The following UTY variants were observed in gnomAD, a reference collection of about 807,000 sequenced individuals.
The protein encoded by UTY is ubiquitously transcribed tetratricopeptide repeat containing, Y-linked.
A neutral mutation model predicts 32.5 loss-of-function variants in UTY; 12 were observed. That is an observed-to-expected ratio of 0.37 (90% confidence interval 0.24 to 0.60). UTY has a LOEUF of 0.60. UTY is among the 20% of genes least tolerant of loss of function. The pLI is 0.69. For synonymous variants in UTY, 131 were observed against 103.4 expected (o/e 1.27, Z -1.62); for missense variants, 303 against 299.2 (o/e 1.01, Z -0.09).
chrY:13,470,711 A>T, intron 2 of UTY, among the ~76,000 whole-genome samples: 1 of 33,206 alleles, frequency 3.0e-5, no homozygotes, highest in Non-Finnish European at 7.4e-5. Flanking sequence ...AACAGTCATG[A>T]TCTAAGTACT....
chrY:13,283,959 TAAAG>T (rs2057196744), intron 27 of UTY, among the ~76,000 whole-genome samples: 1 of 33,140 alleles, frequency 3.0e-5, no homozygotes, highest in Admixed American at 2.7e-4. Context: ...TCCAAAGACA[TAAAG>T]AAAGTTTGCT....
intron 17 of UTY, among the ~76,000 whole-genome samples, chrY:13,343,506 A>G: frequency 9.1e-5 from 3 of 33,133 alleles, no homozygotes; most frequent in African/African-American, 3.6e-4. Flanking sequence ...CCAGGTTATC[A>G]CTGTTGTGTG....
intron 4 of UTY, among the ~76,000 whole-genome samples, chrY:13,445,770 T>C: frequency 3.0e-5 from 1 of 32,840 alleles, no homozygotes; most frequent in Admixed American, 2.8e-4. Context: ...ATCCTTCTTC[T>C]GGTTTTTTTC....
intron 2 of UTY, 22 bp downstream of exon 2, chrY:13,479,232 C>T: frequency 1.0e-5 from 4 of 396,637 alleles, no homozygotes; most frequent in Non-Finnish European, 1.4e-5. Flanking sequence ...GGACCAAAGA[C>T]TTTGCGTCTG....
At chrY:13,235,267 T>C in intron 28 of UTY, among the ~76,000 whole-genome samples, 1 of 33,367 alleles carries the variant, frequency 3.0e-5, no homozygotes, top group Non-Finnish European at 7.4e-5. Context: ...GGATCCTTCC[T>C]GGGCCCCTGA....
intron 3 of UTY, among the ~76,000 whole-genome samples, chrY:13,449,919 C>T (rs2076184520): frequency 8.9e-5 from 3 of 33,846 alleles, no homozygotes; most frequent in Non-Finnish European, 2.2e-4. Context: ...TTAGAAATTT[C>T]AGAGATTTTT....
chrY:13,287,025 GA>G, intron 27 of UTY: 8 of 373,984 alleles, frequency 2.1e-5, no homozygotes, highest in Non-Finnish European at 2.7e-5. Flanking sequence ...ACGGAATGCT[GA>G]AATGAGGCCT....
intron 3 of UTY, 36 bp from the exon 4 acceptor site, chrY:13,449,102 T>A (rs2076122225): frequency 3.3e-6 from 1 of 303,302 alleles, no homozygotes; most frequent in Admixed American, 1.1e-4. Flanking sequence ...CCAAATCATA[T>A]CCCATTTAAA....
At chrY:13,425,179 C>T (rs958552281) in intron 4 of UTY, among the ~76,000 whole-genome samples, 1 of 34,030 alleles carries the variant, frequency 2.9e-5, no homozygotes, top group Admixed American at 2.6e-4. Flanking sequence ...AAACCACATT[C>T]TGCAACTGGC....
chrY:13,395,903 G>GTT (rs1368341749), intron 7 of UTY, among the ~76,000 whole-genome samples: 3 of 11,967 alleles, frequency 2.5e-4, no homozygotes, highest in East Asian at 2.3e-3. Flanking sequence ...TCATCCTTCT[G>GTT]TTTTTTTTTT....
intron 20 of UTY, 60 bp from the exon 21 acceptor site, chrY:13,323,820 A>G (rs967572958): frequency 3.5e-6 from 1 of 285,283 alleles, no homozygotes; most frequent in South Asian, 3.7e-5. Context: ...TTAAAATGTC[A>G]AAGTATTTTT....
chrY:13,335,419 C>T, intron 18 of UTY, 144 bp downstream of exon 18: 1 of 181,886 alleles, frequency 5.5e-6, no homozygotes, highest in Admixed American at 1.2e-4. Flanking sequence ...TATAAAACAA[C>T]AAAAAAAATT....
intron 8 of UTY, among the ~76,000 whole-genome samples, chrY:13,382,775 G>C (rs2149434906): frequency 3.0e-5 from 1 of 33,608 alleles, no homozygotes; most frequent in Non-Finnish European, 7.4e-5. Context: ...TTTAATCTAG[G>C]AATCGACAGA....
chrY:13,381,895 A>G (rs2066179839), intron 8 of UTY, among the ~76,000 whole-genome samples: 1 of 33,362 alleles, frequency 3.0e-5, no homozygotes, highest in Admixed American at 2.7e-4. Context: ...GCAGAATAGT[A>G]TAACATATTC....
intron 5 of UTY, among the ~76,000 whole-genome samples, chrY:13,413,828 A>T: frequency 3.0e-5 from 1 of 33,819 alleles, no homozygotes; most frequent in African/African-American, 1.2e-4. Flanking sequence ...AGGTCTTGCC[A>T]CTCTGCACCT....
intron 9 of UTY, among the ~76,000 whole-genome samples, chrY:13,367,055 G>A: frequency 3.0e-5 from 1 of 33,333 alleles, no homozygotes; most frequent in Non-Finnish European, 7.4e-5. Flanking sequence ...TGGGTAGGCT[G>A]GTCACAAACT....
intron 4 of UTY, among the ~76,000 whole-genome samples, chrY:13,432,062 T>C (rs2074093783): frequency 3.0e-5 from 1 of 33,079 alleles, no homozygotes; most frequent in Admixed American, 2.7e-4. Flanking sequence ...GAAATAAATA[T>C]TACTGAACTC....
At chrY:13,328,451 CAT>C (rs2060422252) in intron 18 of UTY, among the ~76,000 whole-genome samples, 1 of 33,577 alleles carries the variant, frequency 3.0e-5, no homozygotes, top group Non-Finnish European at 7.4e-5. Context: ...ATCACTAACA[CAT>C]GATATCACTT....
At chrY:13,432,546 G>A in intron 4 of UTY, among the ~76,000 whole-genome samples, 7 of 32,812 alleles carry the variant, frequency 2.1e-4, no homozygotes, top group Admixed American at 2.7e-4. Context: ...ACATACTACC[G>A]ATGCTAGTAT....
Sources: gnomAD v4.1 joint callset for allele counts (sites outside exome capture counted in the v4.1 genomes callset) on GRCh38, gnomAD v4.1.1 for gene constraint, MANE v1.5 for transcripts, NCBI Gene and HGNC (gene_info 2026-07-23, HGNC 2026-07-21) for gene names.